SHROOM3: variants seen among roughly 807,000 people sequenced by gnomAD.
SHROOM3 encodes the protein protein Shroom3.
In SHROOM3, 47 loss-of-function variants were observed where a neutral mutation model predicts 138.6. The ratio of observed to expected loss-of-function variants is 0.34; its 90% CI spans 0.27 to 0.43. The LOEUF (loss-of-function observed/expected upper bound fraction) is 0.43. SHROOM3 is among the 20% of genes least tolerant of loss of function. The pLI, the probability that SHROOM3 is intolerant of heterozygous loss-of-function variation, is 1.00. For missense variants in SHROOM3, 2,491 were observed against 2,596.5 expected (o/e 0.96, Z 0.88); for synonymous variants, 1,062 against 1,063.3 (o/e 1.00, Z 0.02).
At position 76,780,084 on chromosome 4, in the gene SHROOM3, A is replaced by G. The variant is rs1198214463; in HGVS notation, c.*907A>G. The G allele has an allele frequency of 6.6e-6, 1 of 152,208 alleles. No homozygotes were observed. Among genetic ancestry groups the G allele is most frequent in the African/African-American group, 2.4e-5 (1 of 41,464 alleles). The allele number at this position is 152,208 out of a possible 1,614,324, so 9.4% of individuals were successfully genotyped here. A position where few individuals can be genotyped will look rare whatever the true frequency, so the allele number is the denominator to read the frequency against. On this transcript the variant is annotated 3_prime_UTR_variant, in exon 11 of 11. Coordinates refer to ENST00000296043, the MANE Select transcript of SHROOM3 (RefSeq NM_020859.4). ...ATCCAACAAAATTCAAACGGAGCCC[A>G]TGCTGTTCTCCTGAACAAGATTTGG...
intron 2 of SHROOM3, among the ~76,000 whole-genome samples, chr4:76,670,295 A>G (rs13134149): frequency 0.69 from 104,616 of 152,110 alleles, 37,343 homozygotes; most frequent in East Asian, 0.94. Context: ...GCTACAACAC[A>G]GACGGACCTC....
chr4:76,644,563 CG>C lies in SHROOM3; in HGVS notation c.324-65589del, dbSNP rs200589427. Among the ~76,000 whole-genome samples the C allele has an allele frequency of 6.0e-3, 893 of 148,906 alleles. 6 individuals carry two copies. The highest frequency in any genetic ancestry group is 0.021 in the Middle Eastern group (6 of 290). On this transcript the variant is annotated intron_variant, in intron 2 of 10. Transcript: ENST00000296043. ...GGACAGCTTTCCATGTCAGGACATA[CG>C]GGGTTTTTTTTTTTTAACTTTTATT...
chr4:76,757,818 G>A (rs1371517740), intron 8 of SHROOM3, among the ~76,000 whole-genome samples: 2 of 152,202 alleles, frequency 1.3e-5, no homozygotes, highest in Non-Finnish European at 2.9e-5. Flanking sequence ...ACTACTATGA[G>A]AAAGACTGAG....
intron 5 of SHROOM3, among the ~76,000 whole-genome samples, chr4:76,742,890 T>C (rs1375677198): frequency 6.6e-6 from 1 of 152,164 alleles, no homozygotes; most frequent in Non-Finnish European, 1.5e-5. Context: ...AGTCAGCCAT[T>C]CAGCAAGCAT....
At chr4:76,639,483 T>C in intron 2 of SHROOM3, 1 of 398,010 alleles carries the variant, frequency 2.5e-6, no homozygotes, top group Non-Finnish European at 4.4e-6. Context: ...TCTGAGTGCG[T>C]GGTGAGTAAG....
At chr4:76,479,738 C>T (rs1276003030) in intron 1 of SHROOM3, among the ~76,000 whole-genome samples, 3 of 152,138 alleles carry the variant, frequency 2.0e-5, no homozygotes, top group East Asian at 1.9e-4. Context: ...AAAGAAAGGT[C>T]GGGTTACCCA....
At chr4:76,768,717 T>G (rs1389459961) in intron 9 of SHROOM3, among the ~76,000 whole-genome samples, 1 of 152,168 alleles carries the variant, frequency 6.6e-6, no homozygotes, top group Non-Finnish European at 1.5e-5. Context: ...TTTCACCATT[T>G]TGACCAGGTT....
In SHROOM3 at chr4:76,664,194, G is replaced by A. The variant is rs1718623171; in HGVS notation, c.324-45962G>A. 6.6e-6 allele frequency among the ~76,000 whole-genome samples: 1 copy of A among 152,296 alleles called. No homozygotes were observed. The highest frequency in any genetic ancestry group is 2.1e-4 in the South Asian group (1 of 4,822). On this transcript the variant is annotated intron_variant, in intron 2 of 10. Transcript: ENST00000296043. This position sits in a 1 kb window ranked among gnomAD's most constrained non-coding sequence, Gnocchi z 4.2. ...GTCAGCATTCATGTAATTTCAAAAA[G>A]TATCCCTTTCCTTATGTGCTAGCTT... is the stretch of plus-strand genomic sequence containing the variant.
intron 1 of SHROOM3, among the ~76,000 whole-genome samples, chr4:76,512,865 G>A (rs1399310734): frequency 6.6e-6 from 1 of 152,292 alleles, no homozygotes; most frequent in African/African-American, 2.4e-5. Flanking sequence ...GTAGAAAATG[G>A]TTAATGTTTT....
intron 2 of SHROOM3, among the ~76,000 whole-genome samples, chr4:76,692,022 A>G (rs1719567277): frequency 1.3e-5 from 2 of 152,096 alleles, no homozygotes; most frequent in Admixed American, 1.3e-4. Flanking sequence ...TGTGACCTCA[A>G]TTGCCTTGAC....
At position 76,660,712 on chromosome 4, in the gene SHROOM3, G is replaced by A. The variant is rs368098562; in HGVS notation, c.324-49444G>A. ...GCTGGTCTCAAACTCCTGACCTCAG[G>A]TAATCCACCTGCCTCAGCCTCCCAA... On this transcript the variant is annotated intron_variant, in intron 2 of 10. Coordinates refer to ENST00000296043, the MANE Select transcript of SHROOM3 (RefSeq NM_020859.4). Among the ~76,000 whole-genome samples, 9 of 152,214 alleles carry A rather than the reference G, an allele frequency of 5.9e-5. No individual in the cohort carries two copies. The South Asian group carries it at 8.3e-4, about 14-fold the overall frequency.
intron 2 of SHROOM3, among the ~76,000 whole-genome samples, chr4:76,636,721 C>T (rs959570993): frequency 6.6e-6 from 1 of 152,152 alleles, no homozygotes; most frequent in African/African-American, 2.4e-5. Flanking sequence ...CTACAGAGTC[C>T]CAGTCTGAAT....
chr4:76,724,989 T>C (rs368382441), intron 3 of SHROOM3, among the ~76,000 whole-genome samples: 5 of 152,316 alleles, frequency 3.3e-5, no homozygotes, highest in African/African-American at 1.2e-4. Context: ...ATCACTTACC[T>C]CCTATCTGTA....
At chr4:76,461,779 G>C (rs771160987) in intron 1 of SHROOM3, among the ~76,000 whole-genome samples, 2 of 152,164 alleles carry the variant, frequency 1.3e-5, no homozygotes, top group Non-Finnish European at 2.9e-5. Context: ...CGAGATACTT[G>C]TATTGCTTTG....
chr4:76,462,264 T>G (rs1731155819), intron 1 of SHROOM3, among the ~76,000 whole-genome samples: 1 of 151,912 alleles, frequency 6.6e-6, no homozygotes, highest in African/African-American at 2.4e-5. Flanking sequence ...CCCAGCTACT[T>G]GGGAGGCTGA....
intron 1 of SHROOM3, among the ~76,000 whole-genome samples, chr4:76,535,922 C>T (rs565200329): frequency 2.2e-4 from 34 of 152,138 alleles, no homozygotes; most frequent in Middle Eastern, 6.8e-3. Context: ...AAGCCACAGG[C>T]GGAGGAAGAA....
At chr4:76,747,199 TAAC>T (rs1721467879) in intron 5 of SHROOM3, among the ~76,000 whole-genome samples, 1 of 152,200 alleles carries the variant, frequency 6.6e-6, no homozygotes, top group South Asian at 2.1e-4. Flanking sequence ...ATCAGACACT[TAAC>T]AAGTTGGTAT....
intron 1 of SHROOM3, among the ~76,000 whole-genome samples, chr4:76,500,765 T>G (rs952135431): frequency 6.6e-5 from 10 of 150,922 alleles, no homozygotes; most frequent in Non-Finnish European, 1.5e-4. Context: ...TGGTAAAGTA[T>G]CTAAATCTTT....
chr4:76,526,174 C>G (rs982450449), intron 1 of SHROOM3, among the ~76,000 whole-genome samples: 1 of 152,194 alleles, frequency 6.6e-6, no homozygotes, highest in African/African-American at 2.4e-5. Context: ...CAAGACCAGC[C>G]TGGCCAAGAT....
Sources: gnomAD v4.1 joint callset for allele counts (sites outside exome capture counted in the v4.1 genomes callset) on GRCh38, gnomAD v4.1.1 for gene constraint, Gnocchi (gnomAD v3.1) non-coding constraint, MANE v1.5 for transcripts, NCBI Gene and HGNC (gene_info 2026-07-23, HGNC 2026-07-21) for gene names.